EIF3H: variants seen among roughly 807,000 people sequenced by gnomAD.
EIF3H encodes the protein eukaryotic translation initiation factor 3 subunit H, also known as eIF-3-gamma.
Under a neutral mutation model 44.2 loss-of-function variants are expected in EIF3H, and 26 were observed. The observed-to-expected ratio is 0.59, with a 90% CI of 0.43 to 0.82. EIF3H has a LOEUF of 0.82. Among genes scored for constraint, EIF3H ranks in the 40% least tolerant of loss-of-function variants. The pLI is 0.00. For missense variants in EIF3H, 359 were observed against 432.8 expected (o/e 0.83, Z 1.51); for synonymous variants, 166 against 151.9 (o/e 1.09, Z -0.68).
At chr8:116,754,142 C>A (rs1274323288) in intron 1 of EIF3H, among the ~76,000 whole-genome samples, 2 of 151,722 alleles carry the variant, frequency 1.3e-5, no homozygotes, top group Non-Finnish European at 2.9e-5. Context: ...TGGACGGAGG[C>A]TCGCTCTATT....
intron 5 of EIF3H, among the ~76,000 whole-genome samples, chr8:116,652,061 G>A (rs151046216): frequency 4.3e-4 from 66 of 152,300 alleles, no homozygotes; most frequent in African/African-American, 1.2e-3. Context: ...ATCGCCCCAC[G>A]AGTACATGTG....
rs544377338 is a variant in EIF3H, at chr8:116,647,434, C to T, written c.829-831G>A. Among the ~76,000 whole-genome samples, 24 of 152,284 alleles carry T rather than the reference C, an allele frequency of 1.6e-4. No individual in the cohort carries two copies. The South Asian group carries it at 5.0e-3, about 32-fold the overall frequency. ...TATTCTTAACAGATAATTGTCTGTACCTTAGCTCTATAACTAAAGATGGAT... is the reference window on the plus strand; with the variant it reads ...TATTCTTAACAGATAATTGTCTGTATCTTAGCTCTATAACTAAAGATGGAT... On this transcript the variant is annotated intron_variant, in intron 6 of 7. Coordinates refer to ENST00000521861, the MANE Select transcript of EIF3H (RefSeq NM_003756.3).
chr8:116,663,160 T>C (rs977446514), intron 2 of EIF3H, among the ~76,000 whole-genome samples: 5 of 152,082 alleles, frequency 3.3e-5, no homozygotes, highest in Admixed American at 6.5e-5. Context: ...AGTTTTGGTA[T>C]TTCACTCTCG....
intron 2 of EIF3H, among the ~76,000 whole-genome samples, chr8:116,701,757 G>A (rs917158292): frequency 6.6e-6 from 1 of 152,104 alleles, no homozygotes; most frequent in Non-Finnish European, 1.5e-5. Flanking sequence ...AAAGTGTCAT[G>A]GCCAGGAAAA....
At chr8:116,760,900 A>G (rs1416670530) in intron 1 of EIF3H, among the ~76,000 whole-genome samples, 1 of 152,226 alleles carries the variant, frequency 6.6e-6, no homozygotes, top group Non-Finnish European at 1.5e-5. Flanking sequence ...GTAATCTGAC[A>G]TAATTTCCAA....
chr8:116,655,890 C>T lies in EIF3H; in HGVS notation c.673G>A (p.Ala225Thr), dbSNP rs755682334. 5 of 1,613,614 alleles carry T rather than the reference C, an allele frequency of 3.1e-6. No individual in the cohort carries two copies. Among genetic ancestry groups the T allele is most frequent in the Middle Eastern group, 1.6e-4 (1 of 6,084 alleles). The change falls in exon 5 of 8, where the codon GCA becomes ACA. Residue 225 changes from alanine (A) to threonine (T), a missense_variant. Ala to Thr is a moderately conservative substitution (Grantham distance 58, BLOSUM62 0). This residue lies in a region of EIF3H where 85 missense variants were observed against 79.2 expected (regional missense o/e 1.07). Coordinates refer to ENST00000521861, the MANE Select transcript of EIF3H (RefSeq NM_003756.3). Reference sequence around the variant, plus strand: ...AGGCTGAGCAATTCATGTTTATCTGCAACAGCTGACTTCTTTTCAAGTTCC... The same window carrying T: ...AGGCTGAGCAATTCATGTTTATCTGTAACAGCTGACTTCTTTTCAAGTTCC... ...MWELEKKSAV[A>T]DKHELLSLAS...
intron 7 of EIF3H, 146 bp from the exon 8 acceptor site, chr8:116,645,249 GA>G (rs1165278976): frequency 7.9e-6 from 5 of 631,880 alleles, no homozygotes; most frequent in Non-Finnish European, 1.4e-5. Flanking sequence ...TAAGGGATAA[GA>G]AATACAAGTT....
intron 2 of EIF3H, among the ~76,000 whole-genome samples, chr8:116,706,526 T>A (rs980046299): frequency 8.5e-5 from 13 of 152,120 alleles, no homozygotes; most frequent in African/African-American, 2.9e-4. Flanking sequence ...ACACTTTATT[T>A]ATTTATTTAT....
chr8:116,658,683 C>G, intron 3 of EIF3H, 130 bp downstream of exon 3: 1 of 817,450 alleles, frequency 1.2e-6, no homozygotes, highest in Non-Finnish European at 1.8e-6. Context: ...GCTGCTGAGG[C>G]TGCTGCAGAA....
At chr8:116,697,583 C>T (rs1814290270) in intron 2 of EIF3H, among the ~76,000 whole-genome samples, 1 of 152,158 alleles carries the variant, frequency 6.6e-6, no homozygotes, top group African/African-American at 2.4e-5. Flanking sequence ...GGTGAGATTC[C>T]CACTGCATTA....
At chr8:116,726,350 C>T (rs945983117) in intron 1 of EIF3H, among the ~76,000 whole-genome samples, 178 bp from the exon 2 acceptor site, 4 of 152,134 alleles carry the variant, frequency 2.6e-5, no homozygotes, top group Non-Finnish European at 1.5e-5. Flanking sequence ...ATAAAGCTCA[C>T]ATAATCTAAA....
At position 116,642,393 on chromosome 8, in the gene EIF3H, C is replaced by T. The variant is rs1232037426; in HGVS notation, c.*2613G>A. 1 of 152,094 alleles carries T rather than the reference C, an allele frequency of 6.6e-6. No individual in the cohort carries two copies. Among genetic ancestry groups the T allele is most frequent in the African/African-American group, 2.4e-5 (1 of 41,418 alleles). The allele number at this position is 152,094 out of a possible 1,614,324, so 9.4% of individuals were successfully genotyped here. On this transcript the variant is annotated 3_prime_UTR_variant, in exon 8 of 8. Coordinates refer to ENST00000521861, the MANE Select transcript of EIF3H (RefSeq NM_003756.3). ...TAATTAGGTTAACATTAGACAACTA[C>T]ATCTCAATTTCCAAGCTTCCAAAAA...
chr8:116,714,909 G>A (rs1249793768), intron 2 of EIF3H, among the ~76,000 whole-genome samples: 1 of 151,968 alleles, frequency 6.6e-6, no homozygotes, highest in Non-Finnish European at 1.5e-5. Flanking sequence ...CAATACAAAG[G>A]CAAAATAGTA....
At chr8:116,694,792 T>A (rs994914254) in intron 2 of EIF3H, among the ~76,000 whole-genome samples, 2 of 152,160 alleles carry the variant, frequency 1.3e-5, no homozygotes, top group Non-Finnish European at 2.9e-5. Flanking sequence ...AACACTAAAT[T>A]ATCTTCAGGA....
chr8:116,748,689 T>C (rs1351624550), intron 1 of EIF3H, among the ~76,000 whole-genome samples: 3 of 152,178 alleles, frequency 2.0e-5, no homozygotes, highest in African/African-American at 7.2e-5. Flanking sequence ...GATATTCTAG[T>C]GTGAAGAAAT....
In EIF3H at chr8:116,715,191, T is replaced by C. The variant is rs555468637; in HGVS notation, c.289+10825A>G. On this transcript the variant is annotated intron_variant, in intron 2 of 7. Coordinates refer to ENST00000521861, the MANE Select transcript of EIF3H (RefSeq NM_003756.3). ...TTTTGTCAATTCATATTTTAGCCTC[T>C]GAAAGGATTGATTCTACAACTCTGC... Among the ~76,000 whole-genome samples the C allele has an allele frequency of 4.0e-4, 61 of 152,224 alleles. 1 individual carries two copies. In the South Asian group the frequency reaches 0.012, roughly 30 times the overall value.
At chr8:116,715,743 T>C (rs1814650634) in intron 2 of EIF3H, among the ~76,000 whole-genome samples, 1 of 152,128 alleles carries the variant, frequency 6.6e-6, no homozygotes, top group South Asian at 2.1e-4. Context: ...AATTCAGTTG[T>C]ATAAAACAGT....
intron 2 of EIF3H, among the ~76,000 whole-genome samples, chr8:116,692,164 T>C (rs1325201736): frequency 6.6e-6 from 1 of 152,194 alleles, no homozygotes; most frequent in Non-Finnish European, 1.5e-5. Flanking sequence ...TCTAACAGAC[T>C]ACAGGGGTAA....
chr8:116,705,090 G>A (rs1473666292), intron 2 of EIF3H, among the ~76,000 whole-genome samples: 2 of 152,288 alleles, frequency 1.3e-5, no homozygotes, highest in East Asian at 3.9e-4. Flanking sequence ...TACAAAGAAT[G>A]TTCTTCAACA....
Sources: allele counts gnomAD v4.1 joint callset (sites outside exome capture counted in the v4.1 genomes callset), GRCh38; gene constraint gnomAD v4.1.1; regional missense constraint gnomAD v4.1.1; transcripts MANE v1.5; gene names NCBI Gene and HGNC (gene_info 2026-07-23, HGNC 2026-07-21).